Variants in DAOA observed in about 807,000 individuals in gnomAD.
DAOA encodes D-amino acid oxidase regulator.
In DAOA, 15 loss-of-function variants were observed where a neutral mutation model predicts 16.4. The observed-to-expected ratio is 0.91, with a 90% CI of 0.61 to 1.41. DAOA has a LOEUF of 1.41. DAOA is among the 40% of genes most tolerant of loss of function. The pLI, the probability that DAOA is intolerant of heterozygous loss-of-function variation, is 0.00. For missense variants in DAOA, 230 were observed against 176.8 expected (o/e 1.30, Z -1.71); for synonymous variants, 75 against 59.1 (o/e 1.27, Z -1.23).
intron 4 of DAOA, among the ~76,000 whole-genome samples, chr13:105,479,806 T>C (rs973429635): frequency 2.0e-5 from 3 of 152,180 alleles, no homozygotes; most frequent in Admixed American, 6.5e-5. Context: ...GAGACTACTT[T>C]CGTGAATTTT....
chr13:105,483,161 T>C (rs1249489661), intron 4 of DAOA, among the ~76,000 whole-genome samples: 1 of 152,208 alleles, frequency 6.6e-6, no homozygotes, highest in Non-Finnish European at 1.5e-5. Flanking sequence ...CTATTTTGTT[T>C]GGATTCTTTT....
At chr13:105,476,895 A>T (rs940157088) in intron 4 of DAOA, among the ~76,000 whole-genome samples, 2 of 151,608 alleles carry the variant, frequency 1.3e-5, no homozygotes, top group African/African-American at 2.4e-5. Flanking sequence ...CCAACCCACC[A>T]GCCACCAGGG....
intron 3 of DAOA, 97 bp downstream of exon 3, chr13:105,467,238 G>T (rs376602317): frequency 1.9e-4 from 244 of 1,280,184 alleles, no homozygotes; most frequent in Middle Eastern, 2.7e-4. Context: ...ATTTTCAAGC[G>T]TAGACAAACT....
rs1878422293 is a variant in DAOA, at chr13:105,490,212, TATATTTTTATGA to T, written c.*111+34_*111+45del. 9.1e-7 allele frequency: 1 copy of T among 1,095,618 alleles called. No individual in the cohort carries two copies. Among genetic ancestry groups the T allele is most frequent in the African/African-American group, 1.6e-5 (1 of 61,602 alleles). The allele number at this position is 1,095,618 out of a possible 1,614,324, so 67.9% of individuals were successfully genotyped here. On this transcript the variant is annotated intron_variant, in intron 5 of 5. Transcript: ENST00000375936. ...CACGTGGTAATATGTTTTATAAAAT[TATATTTTTATGA>T]ATATTTTTATGAAATATAATTTTTA... is the stretch of plus-strand genomic sequence containing the variant.
intron 3 of DAOA, among the ~76,000 whole-genome samples, chr13:105,470,245 T>C (rs896181653): frequency 1.4e-4 from 22 of 152,122 alleles, no homozygotes; most frequent in Admixed American, 1.4e-3. Context: ...ATAGCAGCTA[T>C]CTTTGTTATG....
At chr13:105,487,896 G>C (rs1348265221) in intron 4 of DAOA, among the ~76,000 whole-genome samples, 2 of 152,116 alleles carry the variant, frequency 1.3e-5, no homozygotes, top group Non-Finnish European at 2.9e-5. Context: ...CATTTAAAAA[G>C]CCATTTCTTT....
intron 5 of DAOA, 106 bp downstream of exon 5, chr13:105,490,298 C>T (rs1878428352): frequency 4.5e-6 from 2 of 447,524 alleles, no homozygotes; most frequent in Non-Finnish European, 6.1e-6. Context: ...TAAACTAATA[C>T]CATAGGTAAT....
chr13:105,480,681 G>A (rs1395505712), intron 4 of DAOA, among the ~76,000 whole-genome samples: 7 of 152,068 alleles, frequency 4.6e-5, no homozygotes, highest in African/African-American at 1.7e-4. Context: ...GAAGCCAATG[G>A]TGTAACTCTC....
chr13:105,480,564 A>T (rs1446167733), intron 4 of DAOA, among the ~76,000 whole-genome samples: 1 of 148,816 alleles, frequency 6.7e-6, no homozygotes, highest in Non-Finnish European at 1.5e-5. Flanking sequence ...AGATAGATAG[A>T]TAGATAGCAT....
chr13:105,486,896 A>G (rs1210157706), intron 4 of DAOA, among the ~76,000 whole-genome samples: 6 of 152,190 alleles, frequency 3.9e-5, no homozygotes, highest in African/African-American at 1.4e-4. Flanking sequence ...CTGAGATTAC[A>G]GGCATGAGCC....
intron 4 of DAOA, among the ~76,000 whole-genome samples, chr13:105,478,361 G>A (rs577034880): frequency 2.0e-5 from 3 of 152,260 alleles, no homozygotes; most frequent in African/African-American, 7.2e-5. Context: ...ATAGTCAATT[G>A]GTATCGAGGA....
intron 3 of DAOA, among the ~76,000 whole-genome samples, chr13:105,470,360 T>A (rs964128041): frequency 1.3e-5 from 2 of 152,146 alleles, no homozygotes; most frequent in African/African-American, 4.8e-5. Flanking sequence ...CTTTCCTTTT[T>A]CTTTTTTACC....
chr13:105,478,789 C>T (rs2153674), intron 4 of DAOA, among the ~76,000 whole-genome samples: 86,798 of 151,958 alleles, frequency 0.57, 25,115 homozygotes, highest in East Asian at 0.86. Context: ...TCTATGTTCC[C>T]TGACAGTAGG....
chr13:105,473,068 G>C (rs942977228), intron 4 of DAOA, among the ~76,000 whole-genome samples: 1 of 151,998 alleles, frequency 6.6e-6, no homozygotes, highest in Admixed American at 6.6e-5. Context: ...CAAGGCTATT[G>C]AGAGGGAAAT....
chr13:105,481,016 A>C (rs9586864), intron 4 of DAOA, among the ~76,000 whole-genome samples: 11,161 of 152,160 alleles, frequency 0.073, 554 homozygotes, highest in African/African-American at 0.14. Flanking sequence ...AATCCAGTCC[A>C]TTTGACATCT....
At chr13:105,466,955 C>T in intron 2 of DAOA, 98 bp from the exon 3 acceptor site, 1 of 1,408,556 alleles carries the variant, frequency 7.1e-7, no homozygotes, top group Non-Finnish European at 9.3e-7. Flanking sequence ...AGTGCTAAAC[C>T]ATACATGTTA....
chr13:105,479,856 T>A (rs543241586), intron 4 of DAOA, among the ~76,000 whole-genome samples: 4 of 152,150 alleles, frequency 2.6e-5, no homozygotes, highest in Admixed American at 2.0e-4. Context: ...CTCTTGGAAT[T>A]TAGAAGAAGG....
chr13:105,476,540 A>C (rs1877348318), intron 4 of DAOA, among the ~76,000 whole-genome samples: 4 of 151,814 alleles, frequency 2.6e-5, no homozygotes, highest in Non-Finnish European at 5.9e-5. Flanking sequence ...GGTACTACAA[A>C]AAGGGAGGTC....
intron 4 of DAOA, among the ~76,000 whole-genome samples, chr13:105,486,613 C>A (rs1878127206): frequency 7.7e-6 from 1 of 130,656 alleles, no homozygotes; most frequent in Admixed American, 7.6e-5. Context: ...TATTTTCTTT[C>A]TTTCTTTCTT....
Sources: allele counts gnomAD v4.1 joint callset (sites outside exome capture counted in the v4.1 genomes callset), GRCh38; gene constraint gnomAD v4.1.1; transcripts MANE v1.5; gene names NCBI Gene and HGNC (gene_info 2026-07-23, HGNC 2026-07-21).